The following ZBTB20 variants were observed in gnomAD, a reference collection of about 807,000 sequenced individuals.
The protein encoded by ZBTB20 is zinc finger and BTB domain containing 20.
In ZBTB20, 9 loss-of-function variants were observed where a neutral mutation model predicts 56.9. The ratio of observed to expected loss-of-function variants is 0.16; its 90% CI spans 0.10 to 0.28. The LOEUF (loss-of-function observed/expected upper bound fraction) is 0.28, where lower values mean the gene tolerates loss of function less well. Among genes scored for constraint, ZBTB20 ranks in the 10% least tolerant of loss-of-function variants. The probability of loss-of-function intolerance (pLI) is 1.00; values close to 1 mark genes in which losing one functional copy is unlikely to be tolerated. For missense variants in ZBTB20, 655 were observed against 1,003.0 expected (o/e 0.65, Z 4.69); for synonymous variants, 417 against 420.7 (o/e 0.99, Z 0.11).
chr3:114,395,614 T>C (rs563383135), intron 7 of ZBTB20, among the ~76,000 whole-genome samples: 1 of 152,282 alleles, frequency 6.6e-6, no homozygotes, highest in South Asian at 2.1e-4. Flanking sequence ...GAGAAAACCA[T>C]TTAATGAATA....
rs535728183 is a variant in ZBTB20, at chr3:115,039,912, C to G, written c.-507+31307G>C. Among the ~76,000 whole-genome samples the G allele has an allele frequency of 2.0e-5, 3 of 152,080 alleles. No individual in the cohort carries two copies. In the South Asian group the frequency reaches 6.2e-4, roughly 32 times the overall value. On this transcript the variant is annotated intron_variant, in intron 2 of 11. Coordinates refer to ENST00000675478, the MANE Select transcript of ZBTB20 (RefSeq NM_001348800.3). The stretch of plus-strand genomic sequence containing the variant: ...CACATAGTTGGTAACAAATAATGCA[C>G]TACACACCTGAAAATTGCTGAGGAT...
chr3:114,624,300 G>C lies in ZBTB20; in HGVS notation c.-295+69228C>G, dbSNP rs2058515711. The C allele has an allele frequency of 4.0e-5, 6 of 149,726 alleles. No homozygotes were observed. In the Admixed American group the frequency reaches 4.0e-4, roughly 10 times the overall value. 9.3% of individuals were successfully genotyped at this position (149,726 alleles called of 1,614,324 possible). ...AAGGAAAATCACTGGAGCCTCTTACGATCTAACTTCCACTAACTGGGAGGA... is the reference window on the plus strand; with the variant it reads ...AAGGAAAATCACTGGAGCCTCTTACCATCTAACTTCCACTAACTGGGAGGA... On this transcript the variant is annotated intron_variant, in intron 6 of 11. Transcript: ENST00000675478.
chr3:114,417,341 C>A (rs941739054), intron 7 of ZBTB20, among the ~76,000 whole-genome samples: 1 of 152,056 alleles, frequency 6.6e-6, no homozygotes, highest in African/African-American at 2.4e-5. Flanking sequence ...TTACAGGTGA[C>A]ATAAATTTCA....
At chr3:114,742,431 A>C (rs2066676428) in intron 5 of ZBTB20, among the ~76,000 whole-genome samples, 2 of 152,162 alleles carry the variant, frequency 1.3e-5, no homozygotes, top group South Asian at 4.1e-4. Context: ...TTTGCTTTAC[A>C]GATAAGGAAA....
At chr3:114,496,253 G>A (rs1313711751) in intron 7 of ZBTB20, among the ~76,000 whole-genome samples, 1 of 151,968 alleles carries the variant, frequency 6.6e-6, no homozygotes, top group Non-Finnish European at 1.5e-5. Context: ...ATGCCATATT[G>A]GTGCTATAAG....
intron 7 of ZBTB20, among the ~76,000 whole-genome samples, chr3:114,394,464 G>A (rs1013726123): frequency 4.6e-5 from 7 of 152,138 alleles, no homozygotes; most frequent in Non-Finnish European, 1.0e-4. Flanking sequence ...GAAAGATCTG[G>A]GAGCACAGAC....
intron 6 of ZBTB20, among the ~76,000 whole-genome samples, chr3:114,631,382 CTTTTTTTTTTTTTTT>C (rs66470152): frequency 1.4e-4 from 7 of 49,810 alleles, no homozygotes; most frequent in South Asian, 1.1e-3. Context: ...ATAGGTTATT[CTTTTTTTTTTTTTTT>C]TTTTTTTTTT....
chr3:114,995,192 G>A (rs899589103), intron 2 of ZBTB20, among the ~76,000 whole-genome samples: 4 of 151,804 alleles, frequency 2.6e-5, no homozygotes, highest in East Asian at 3.9e-4. Flanking sequence ...AAACACAAGG[G>A]AACTTCAACT....
intron 4 of ZBTB20, among the ~76,000 whole-genome samples, chr3:114,824,672 A>G (rs772469595): frequency 5.3e-5 from 8 of 151,944 alleles, no homozygotes; most frequent in Non-Finnish European, 1.2e-4. Flanking sequence ...ACAAATCACA[A>G]TGATCACAGT....
At chr3:114,485,725 T>A (rs1193998325) in intron 7 of ZBTB20, among the ~76,000 whole-genome samples, 1 of 152,040 alleles carries the variant, frequency 6.6e-6, no homozygotes, top group Non-Finnish European at 1.5e-5. Context: ...ATATAAAAGG[T>A]GTGAAGGAGC....
chr3:115,004,639 A>G (rs1213333165), intron 2 of ZBTB20, among the ~76,000 whole-genome samples: 1 of 151,746 alleles, frequency 6.6e-6, no homozygotes, highest in African/African-American at 2.4e-5. Context: ...ATAGATGAAT[A>G]TTCAGCGTAT....
intron 3 of ZBTB20, among the ~76,000 whole-genome samples, chr3:114,948,566 A>C: frequency 6.8e-6 from 1 of 146,194 alleles, no homozygotes; most frequent in East Asian, 1.9e-4. Context: ...AAGTAAATTT[A>C]GCAAGATTCC....
intron 6 of ZBTB20, among the ~76,000 whole-genome samples, chr3:114,663,955 C>T (rs1031741718): frequency 6.6e-6 from 1 of 151,786 alleles, no homozygotes; most frequent in Non-Finnish European, 1.5e-5. Flanking sequence ...CTTTAACACC[C>T]CACTGTCAAC....
chr3:114,661,660 A>T (rs1480387698), intron 6 of ZBTB20, among the ~76,000 whole-genome samples: 1 of 152,096 alleles, frequency 6.6e-6, no homozygotes, highest in Non-Finnish European at 1.5e-5. Context: ...CACATTTATA[A>T]ATCAAAAATT....
intron 1 of ZBTB20, among the ~76,000 whole-genome samples, chr3:115,088,794 T>G (rs1489871223): frequency 6.6e-6 from 1 of 151,726 alleles, no homozygotes; most frequent in Non-Finnish European, 1.5e-5. Context: ...TGTTAACACT[T>G]TCATTGAAAT....
intron 2 of ZBTB20, among the ~76,000 whole-genome samples, chr3:115,048,914 T>A (rs1237766285): frequency 1.3e-5 from 2 of 152,172 alleles, no homozygotes; most frequent in Non-Finnish European, 2.9e-5. Flanking sequence ...TTAGCTTACT[T>A]CTACAACCTC....
chr3:114,797,883 A>T (rs1183835626), intron 5 of ZBTB20, among the ~76,000 whole-genome samples: 1 of 151,842 alleles, frequency 6.6e-6, no homozygotes, highest in African/African-American at 2.4e-5. Context: ...GATGGGTTAA[A>T]ATAAAGGAAG....
At chr3:114,584,780 T>C (rs2055002281) in intron 6 of ZBTB20, among the ~76,000 whole-genome samples, 3 of 152,168 alleles carry the variant, frequency 2.0e-5, no homozygotes, top group South Asian at 2.1e-4. Flanking sequence ...AAAATGAAAG[T>C]ACCTGGGGCA....
At chr3:114,563,471 G>A (rs2052351397) in intron 6 of ZBTB20, among the ~76,000 whole-genome samples, 1 of 152,074 alleles carries the variant, frequency 6.6e-6, no homozygotes, top group Admixed American at 6.5e-5. Flanking sequence ...ATAACACTGG[G>A]TATATTAAAC....
Sources: gnomAD v4.1 joint callset for allele counts (sites outside exome capture counted in the v4.1 genomes callset) on GRCh38, gnomAD v4.1.1 for gene constraint, MANE v1.5 for transcripts, NCBI Gene and HGNC (gene_info 2026-07-23, HGNC 2026-07-21) for gene names.